Variants in GABRA2 observed in about 807,000 individuals in gnomAD.
The protein encoded by GABRA2 is gamma-aminobutyric acid receptor subunit alpha-2.
A neutral mutation model predicts 48.7 loss-of-function variants in GABRA2; 16 were observed. That is an observed-to-expected ratio of 0.33 (90% CI 0.22 to 0.50). GABRA2 has a LOEUF of 0.50. GABRA2 is among the 20% of genes least tolerant of loss of function. The pLI is 0.98. For synonymous variants in GABRA2, 185 were observed against 184.5 expected (o/e 1.00, Z -0.02); for missense variants, 275 against 535.6 (o/e 0.51, Z 4.80).
intron 6 of GABRA2, 34 bp downstream of exon 6, chr4:46,310,139 G>C (rs756869836): frequency 4.6e-6 from 7 of 1,522,236 alleles, no homozygotes; most frequent in Non-Finnish European, 6.4e-6. Flanking sequence ...TGATATTATT[G>C]ACCCAAAACA....
intron 8 of GABRA2, among the ~76,000 whole-genome samples, chr4:46,296,749 C>T (rs1202933650): frequency 1.3e-5 from 2 of 151,464 alleles, no homozygotes; most frequent in African/African-American, 2.4e-5. Flanking sequence ...TCATCAATAC[C>T]AACTATGACC....
chr4:46,327,784 C>T (rs1432218162), intron 4 of GABRA2, among the ~76,000 whole-genome samples: 1 of 151,942 alleles, frequency 6.6e-6, no homozygotes, highest in Admixed American at 6.6e-5. Flanking sequence ...ATCAAGAAAC[C>T]AAGGTCATAC....
chr4:46,268,496 A>G (rs1718685182), intron 8 of GABRA2, among the ~76,000 whole-genome samples: 1 of 151,964 alleles, frequency 6.6e-6, no homozygotes, highest in South Asian at 2.1e-4. Flanking sequence ...AATGAATATC[A>G]CTTCATATAT....
chr4:46,323,758 C>CA (rs1729855116), intron 4 of GABRA2, among the ~76,000 whole-genome samples: 1 of 150,928 alleles, frequency 6.6e-6, no homozygotes, highest in Non-Finnish European at 1.5e-5. Flanking sequence ...GTATGAACGC[C>CA]ATGTGGTGGA....
intron 3 of GABRA2, among the ~76,000 whole-genome samples, chr4:46,372,532 A>T (rs1715058490): frequency 6.6e-6 from 1 of 152,130 alleles, no homozygotes; most frequent in Non-Finnish European, 1.5e-5. Context: ...CCTTTTTAAG[A>T]ACTCAGTGCT....
chr4:46,358,645 T>C (rs1372819486), intron 3 of GABRA2, among the ~76,000 whole-genome samples: 4 of 152,192 alleles, frequency 2.6e-5, no homozygotes, highest in Non-Finnish European at 5.9e-5. Flanking sequence ...TTTGCTGGGT[T>C]AGTTCTTGTA....
At chr4:46,373,467 G>A (rs1715241737) in intron 3 of GABRA2, among the ~76,000 whole-genome samples, 1 of 152,148 alleles carries the variant, frequency 6.6e-6, no homozygotes, top group Admixed American at 6.5e-5. Flanking sequence ...TTATTCTGAT[G>A]TATGTACTGG....
intron 3 of GABRA2, among the ~76,000 whole-genome samples, chr4:46,385,546 G>C (rs1717333270): frequency 6.6e-6 from 1 of 151,960 alleles, no homozygotes; most frequent in Non-Finnish European, 1.5e-5. Flanking sequence ...AAATGTCTTT[G>C]AAAGTTTCAA....
chr4:46,377,988 G>A lies in GABRA2; in HGVS notation c.187+8086C>T, dbSNP rs1370389714. 4.3e-3 allele frequency among the ~76,000 whole-genome samples: 648 copies of A among 149,572 alleles called. 9 individuals are homozygous for A. Among genetic ancestry groups the A allele is most frequent in the African/African-American group, 0.015 (592 of 39,882 alleles). ...CCGCCCCATCCAGGAGGGAGGTGGG[G>A]GGGTCAGCCCCCCGCCCGGCCAGCC... On this transcript the variant is annotated intron_variant, in intron 3 of 9. Coordinates refer to ENST00000381620, the MANE Select transcript of GABRA2 (RefSeq NM_000807.4).
chr4:46,385,631 A>T (rs1717345368), intron 3 of GABRA2, among the ~76,000 whole-genome samples: 1 of 152,102 alleles, frequency 6.6e-6, no homozygotes, highest in Non-Finnish European at 1.5e-5. Flanking sequence ...AATGCTAAAA[A>T]GTGTATTCGT....
upstream of GABRA2, chr4:46,390,185 G>GC (rs1293559874): frequency 0.039 from 3,428 of 87,598 alleles, 125 homozygotes; most frequent in African/African-American, 0.079. Flanking sequence ...GGAAGGCAGG[G>GC]CCCCCCCTCC....
chr4:46,292,447 T>G (rs1023617304), intron 8 of GABRA2, among the ~76,000 whole-genome samples: 3 of 152,100 alleles, frequency 2.0e-5, no homozygotes, highest in Non-Finnish European at 4.4e-5. Context: ...ACACTACAAC[T>G]TGGAATGAAG....
chr4:46,278,405 C>T (rs936001318), intron 8 of GABRA2, among the ~76,000 whole-genome samples: 8 of 152,070 alleles, frequency 5.3e-5, no homozygotes, highest in African/African-American at 9.7e-5. Flanking sequence ...ATAACTTACT[C>T]AAGCTAAACA....
At chr4:46,381,525 A>G (rs1716757037) in intron 3 of GABRA2, among the ~76,000 whole-genome samples, 1 of 152,190 alleles carries the variant, frequency 6.6e-6, no homozygotes, top group Non-Finnish European at 1.5e-5. Context: ...TTCAAAGAAT[A>G]TTACTTTCTA....
intron 8 of GABRA2, among the ~76,000 whole-genome samples, chr4:46,280,670 G>A (rs533321828): frequency 6.6e-6 from 1 of 152,266 alleles, no homozygotes; most frequent in Non-Finnish European, 1.5e-5. Flanking sequence ...GTAGTACTGT[G>A]GACTGACTGT....
chr4:46,339,127 G>A (rs1164052100), intron 3 of GABRA2, among the ~76,000 whole-genome samples: 2 of 151,578 alleles, frequency 1.3e-5, no homozygotes, highest in Non-Finnish European at 3.0e-5. Flanking sequence ...TAGCTCTACA[G>A]GTTCATTTAT....
At chr4:46,292,059 AT>A (rs1315934024) in intron 8 of GABRA2, among the ~76,000 whole-genome samples, 1 of 152,090 alleles carries the variant, frequency 6.6e-6, no homozygotes, top group Non-Finnish European at 1.5e-5. Context: ...AAATGAGTGC[AT>A]TTGACACTCC....
chr4:46,310,322 C>T, intron 5 of GABRA2, 67 bp from the exon 6 acceptor site: 4 of 1,109,290 alleles, frequency 3.6e-6, no homozygotes, highest in Admixed American at 3.4e-5. Flanking sequence ...CTCGTCATTA[C>T]TCTCAACAGA....
intron 4 of GABRA2, among the ~76,000 whole-genome samples, chr4:46,319,569 C>A (rs1320897050): frequency 6.6e-6 from 1 of 151,600 alleles, no homozygotes; most frequent in Non-Finnish European, 1.5e-5. Flanking sequence ...GCAAAAATTG[C>A]AAAAACAATG....
Sources: allele counts gnomAD v4.1 joint callset (sites outside exome capture counted in the v4.1 genomes callset), GRCh38; gene constraint gnomAD v4.1.1; transcripts MANE v1.5; gene names NCBI Gene and HGNC (gene_info 2026-07-23, HGNC 2026-07-21).